ARHGAP12: variants seen among roughly 807,000 people sequenced by gnomAD.
ARHGAP12 encodes the protein rho GTPase-activating protein 12.
A neutral mutation model predicts 108.6 loss-of-function variants in ARHGAP12; 64 were observed. That is an observed-to-expected ratio of 0.59 (90% CI 0.48 to 0.73). The LOEUF (loss-of-function observed/expected upper bound fraction) is 0.73, where lower values mean the gene tolerates loss of function less well. ARHGAP12 is among the 30% of genes least tolerant of loss of function. ARHGAP12 has a pLI of 0.00. For synonymous variants in ARHGAP12, 312 were observed against 337.2 expected, an observed-to-expected ratio of 0.93 and a Z score of 0.82; for missense variants, 940 against 1,005.9, an observed-to-expected ratio of 0.93 and a Z score of 0.89.
chr10:31,849,952 G>T (rs1317387901), intron 6 of ARHGAP12, among the ~76,000 whole-genome samples: 1 of 152,120 alleles, frequency 6.6e-6, no homozygotes, highest in Non-Finnish European at 1.5e-5. Context: ...GAGTTATAAA[G>T]AAACCCAGTA....
In ARHGAP12 at chr10:31,870,292, C is replaced by A. The variant is rs1019596685; in HGVS notation, c.685-8634G>T. ...TTGCCCAGGCTGGAGTGCAATGGTGCCATCTCAGCTCACTGCAACCTCCGC... is the reference window on the plus strand; with the variant it reads ...TTGCCCAGGCTGGAGTGCAATGGTGACATCTCAGCTCACTGCAACCTCCGC... On this transcript the variant is annotated intron_variant, in intron 3 of 19. Transcript: ENST00000344936. Among the ~76,000 whole-genome samples the A allele has an allele frequency of 4.0e-5, 6 of 149,302 alleles. No individual in the cohort carries two copies. The Admixed American group carries it at 4.0e-4, about 10-fold the overall frequency.
Position 31,839,720 on chromosome 10 carries a change from A to T in ARHGAP12, c.1297-9T>A. 1 of 1,594,296 alleles carries T rather than the reference A, an allele frequency of 6.3e-7. No individual in the cohort carries two copies. Among genetic ancestry groups the T allele is most frequent in the Non-Finnish European group, 8.6e-7 (1 of 1,165,818 alleles). ...GAGGCAGTTGGAGATTCCTACAAGA[A>T]ATAAGTAATGAAAAAAGTTACTCTA... is the stretch of plus-strand genomic sequence containing the variant. On this transcript the variant is annotated splice_polypyrimidine_tract_variant and intron_variant, in intron 7 of 19. Transcript: ENST00000344936.
chr10:31,910,822 A>G (rs970551070), intron 1 of ARHGAP12, among the ~76,000 whole-genome samples: 21 of 152,150 alleles, frequency 1.4e-4, no homozygotes, highest in African/African-American at 5.1e-4. Flanking sequence ...TTTGTCCCTT[A>G]TTTTTAATTC....
At chr10:31,851,277 CAG>C (rs749412258) in intron 6 of ARHGAP12, among the ~76,000 whole-genome samples, 10 of 152,120 alleles carry the variant, frequency 6.6e-5, no homozygotes, top group Non-Finnish European at 1.0e-4. Context: ...GCTGAGCAAA[CAG>C]AAAGTAAGAA....
chr10:31,867,060 C>A (rs1241913564), intron 3 of ARHGAP12, among the ~76,000 whole-genome samples: 1 of 151,196 alleles, frequency 6.6e-6, no homozygotes, highest in Non-Finnish European at 1.5e-5. Context: ...GGTTTATTGA[C>A]AATGAAAGGT....
intron 3 of ARHGAP12, among the ~76,000 whole-genome samples, chr10:31,878,821 G>A (rs1002840695): frequency 6.6e-6 from 1 of 152,166 alleles, no homozygotes; most frequent in Non-Finnish European, 1.5e-5. Context: ...TGTTTGCCAA[G>A]CCCTGTGAAA....
intron 6 of ARHGAP12, among the ~76,000 whole-genome samples, chr10:31,851,179 C>G (rs1012973843): frequency 6.6e-6 from 1 of 151,954 alleles, no homozygotes; most frequent in African/African-American, 2.4e-5. Flanking sequence ...AAAAACAATC[C>G]TATTGTATAA....
chr10:31,844,147 C>G (rs1836365841), intron 6 of ARHGAP12, among the ~76,000 whole-genome samples: 1 of 152,066 alleles, frequency 6.6e-6, no homozygotes, highest in Non-Finnish European at 1.5e-5. Flanking sequence ...GATATCTTTT[C>G]CTAGTTTGTA....
At chr10:31,919,070 T>C (rs527839825) in intron 1 of ARHGAP12, among the ~76,000 whole-genome samples, 1 of 152,328 alleles carries the variant, frequency 6.6e-6, no homozygotes, top group South Asian at 2.1e-4. Flanking sequence ...ATTCTGACAG[T>C]ACAATGTGAA....
chr10:31,810,798 C>A, intron 15 of ARHGAP12, 51 bp from the exon 16 acceptor site: 1 of 1,377,220 alleles, frequency 7.3e-7, no homozygotes, highest in South Asian at 1.2e-5. Context: ...AAATTCAGTT[C>A]ATGAAATGGC....
intron 3 of ARHGAP12, among the ~76,000 whole-genome samples, chr10:31,896,308 GAAAA>G (rs758692591): frequency 4.2e-5 from 4 of 94,806 alleles, no homozygotes; most frequent in Non-Finnish European, 9.8e-5. Flanking sequence ...TTTTTACTTT[GAAAA>G]AAAAAAAAAA....
chr10:31,816,720 T>C (rs1835218311), intron 13 of ARHGAP12, among the ~76,000 whole-genome samples: 1 of 152,170 alleles, frequency 6.6e-6, no homozygotes. Context: ...CATATGGCAA[T>C]GGCATTAAGG....
At chr10:31,825,628 T>C (rs191162430) in intron 11 of ARHGAP12, among the ~76,000 whole-genome samples, 16 of 152,192 alleles carry the variant, frequency 1.1e-4, no homozygotes, top group Non-Finnish European at 1.6e-4. Context: ...ATCAGAGCAA[T>C]AGCTATCCCA....
In ARHGAP12 at chr10:31,810,756, G is replaced by T. The variant is rs1834985714; in HGVS notation, c.1952-9C>A. ...GGATCCAAATACCTGATCTGAAAAA[G>T]ATTTATTTTTAAAAAGTCAATCACC... On this transcript the variant is annotated splice_polypyrimidine_tract_variant and intron_variant, in intron 15 of 19. Coordinates refer to ENST00000344936, the MANE Select transcript of ARHGAP12 (RefSeq NM_018287.7). 6 of 1,595,738 alleles carry T rather than the reference G, an allele frequency of 3.8e-6. No homozygotes were observed. The South Asian group carries it at 4.5e-5, about 12-fold the overall frequency.
At chr10:31,927,489 G>C (rs1000374307) in intron 1 of ARHGAP12, among the ~76,000 whole-genome samples, 1 of 152,210 alleles carries the variant, frequency 6.6e-6, no homozygotes, top group South Asian at 2.1e-4. Flanking sequence ...ATCAGAACCC[G>C]AGTGAGCCTT....
chr10:31,808,219 TA>T (rs397700820), intron 19 of ARHGAP12, among the ~76,000 whole-genome samples: 7,720 of 146,404 alleles, frequency 0.053, 642 homozygotes, highest in African/African-American at 0.18. Context: ...GTAATTTCTT[TA>T]AAAAAAAAAA....
chr10:31,902,957 T>C lies in ARHGAP12; in HGVS notation c.684+5215A>G, dbSNP rs556772099. 7.9e-5 allele frequency among the ~76,000 whole-genome samples: 12 copies of C among 152,248 alleles called. No homozygotes were observed. In the South Asian group the frequency reaches 2.3e-3, roughly 29 times the overall value. ...TCATCCAATCAAATGAAGGCCTGAA[T>C]AGAACAACAGACTGACCTACCTCAA... On this transcript the variant is annotated intron_variant, in intron 3 of 19. Coordinates refer to ENST00000344936, the MANE Select transcript of ARHGAP12 (RefSeq NM_018287.7).
chr10:31,836,643 T>G (rs1388905784), intron 9 of ARHGAP12, among the ~76,000 whole-genome samples: 1 of 152,152 alleles, frequency 6.6e-6, no homozygotes, highest in South Asian at 2.1e-4. Flanking sequence ...GCTTCCTTCT[T>G]TCTTATCACT....
At chr10:31,907,336 GAAAA>G (rs199997927) in intron 3 of ARHGAP12, among the ~76,000 whole-genome samples, 2 of 141,750 alleles carry the variant, frequency 1.4e-5, no homozygotes, top group East Asian at 2.1e-4. Context: ...GGTTTAAAAA[GAAAA>G]AAAAAAGCCA....
Sources: allele counts gnomAD v4.1 joint callset (sites outside exome capture counted in the v4.1 genomes callset), GRCh38; gene constraint gnomAD v4.1.1; transcripts MANE v1.5; gene names NCBI Gene and HGNC (gene_info 2026-07-23, HGNC 2026-07-21).